Variants in SH2D4A observed in about 807,000 individuals in gnomAD.
SH2D4A encodes the protein SH2 domain containing 4A.
Under a neutral mutation model 64.7 loss-of-function variants are expected in SH2D4A, and 70 were observed. That is an observed-to-expected ratio of 1.08 (90% CI 0.89 to 1.32). SH2D4A has a LOEUF of 1.32. SH2D4A is among the 40% of genes most tolerant of loss of function. SH2D4A has a pLI of 0.00. For missense variants in SH2D4A, 706 were observed against 540.1 expected (o/e 1.31, Z -3.04); for synonymous variants, 268 against 200.7 (o/e 1.34, Z -2.83).
chr8:19,350,351 A>C (rs1252976761), intron 4 of SH2D4A, among the ~76,000 whole-genome samples: 2 of 152,204 alleles, frequency 1.3e-5, no homozygotes, highest in African/African-American at 4.8e-5. Flanking sequence ...TGCATTGCTT[A>C]GTGGTGTTTT....
intron 4 of SH2D4A, among the ~76,000 whole-genome samples, chr8:19,345,263 A>G (rs549291864): frequency 1.3e-5 from 2 of 152,330 alleles, no homozygotes; most frequent in African/African-American, 4.8e-5. Context: ...ATGGAGTCCT[A>G]GGAGTTCACG....
chr8:19,354,262 A>G (rs1171549786), intron 4 of SH2D4A, among the ~76,000 whole-genome samples: 1 of 152,170 alleles, frequency 6.6e-6, no homozygotes, highest in East Asian at 1.9e-4. Flanking sequence ...TGGCCTCTCA[A>G]AGTGCTGGGA....
At chr8:19,348,633 C>T (rs933609504) in intron 4 of SH2D4A, among the ~76,000 whole-genome samples, 21 of 152,132 alleles carry the variant, frequency 1.4e-4, no homozygotes, top group African/African-American at 1.9e-4. Context: ...GATCAGAAGA[C>T]GTCTTTGAAA....
chr8:19,374,528 C>G (rs2053161744), intron 8 of SH2D4A, among the ~76,000 whole-genome samples: 1 of 152,188 alleles, frequency 6.6e-6, no homozygotes, highest in East Asian at 1.9e-4. Flanking sequence ...TCATCTCACA[C>G]AGAAATATAC....
At chr8:19,347,832 T>C (rs973956891) in intron 4 of SH2D4A, among the ~76,000 whole-genome samples, 15 of 152,276 alleles carry the variant, frequency 9.9e-5, no homozygotes, top group Middle Eastern at 3.4e-3. Flanking sequence ...TGTGACATAT[T>C]CTTTAACCAG....
chr8:19,392,787 G>A (rs2053514523), intron 8 of SH2D4A, among the ~76,000 whole-genome samples: 1 of 151,926 alleles, frequency 6.6e-6, no homozygotes, highest in Admixed American at 6.6e-5. Context: ...GCCCAGGCTG[G>A]AGGGAGTGCA....
chr8:19,329,722 T>G (rs898364734), intron 2 of SH2D4A, among the ~76,000 whole-genome samples: 6 of 152,214 alleles, frequency 3.9e-5, no homozygotes, highest in African/African-American at 1.4e-4. Context: ...TCTTCTGAGA[T>G]CTGAAGGTTT....
At chr8:19,386,478 G>A (rs2053393733) in intron 8 of SH2D4A, among the ~76,000 whole-genome samples, 1 of 152,206 alleles carries the variant, frequency 6.6e-6, no homozygotes, top group South Asian at 2.1e-4. Context: ...TTTTGCAGAT[G>A]ATGCACTTGA....
Position 19,319,673 on chromosome 8 carries a change from A to C in SH2D4A, c.126A>C (p.Arg42Ser). ...AACAGATCCGACGATGGAAAGAAAG[A>C]GAAGCAGCTATGGAAAGAAAGGAGT... is the stretch of plus-strand genomic sequence containing the variant. ...REEQIRRWKE[R>S]EAAMERKESL... is the part of the protein sequence containing the mutation. The change falls in exon 2 of 10, where the codon AGA becomes AGC. Residue 42 changes from arginine to serine, a missense_variant. By Grantham distance (110) the Arg-to-Ser change is moderately radical (BLOSUM62 -1). Transcript: ENST00000265807. 1 of 1,609,944 alleles carries C rather than the reference A, an allele frequency of 6.2e-7. No homozygotes were observed. The highest frequency in any genetic ancestry group is 8.5e-7 in the Non-Finnish European group (1 of 1,178,512).
rs2053522817 is a variant in SH2D4A, at chr8:19,393,230, G to T, written c.1049-88G>T. ...TATTGTGTCTTATTTAGGCGTCATT[G>T]ACTCTATATCCATGCAGCTGGATTT... On this transcript the variant is annotated intron_variant, in intron 8 of 9. Coordinates refer to ENST00000265807, the MANE Select transcript of SH2D4A (RefSeq NM_022071.4). 3.3e-6 allele frequency: 4 copies of T among 1,206,580 alleles called. No homozygotes were observed. In the South Asian group the frequency reaches 3.7e-5, roughly 11 times the overall value. 74.7% of individuals were successfully genotyped at this position (1,206,580 alleles called of 1,614,324 possible).
chr8:19,365,954 A>AT (rs2052986836), intron 7 of SH2D4A, among the ~76,000 whole-genome samples: 1 of 152,118 alleles, frequency 6.6e-6, no homozygotes, highest in Admixed American at 6.5e-5. Flanking sequence ...ATTATAGGAT[A>AT]TTTTCTCGAA....
rs575316909 is a variant in SH2D4A at position 19,321,203 on chromosome 8, CA to C, written c.181+1476del. Among the ~76,000 whole-genome samples, 29 of 56,468 alleles carry C rather than the reference CA, an allele frequency of 5.1e-4. No homozygotes were observed. In the East Asian group the frequency reaches 0.012, roughly 23 times the overall value. The allele number at this position is 56,468 out of a possible 152,430, so 37.0% of individuals were successfully genotyped here. On this transcript the variant is annotated intron_variant, in intron 2 of 9. Coordinates refer to ENST00000265807, the MANE Select transcript of SH2D4A (RefSeq NM_022071.4). ...ACAGATGATGAGACTTAGAGAAGTTCATTTTTTTTTTTGCTTGTTTGTTTGT... is the reference window on the plus strand; with the variant it reads ...ACAGATGATGAGACTTAGAGAAGTTCTTTTTTTTTTTGCTTGTTTGTTTGT...
intron 4 of SH2D4A, among the ~76,000 whole-genome samples, chr8:19,349,861 G>A (rs1250100466): frequency 6.6e-6 from 1 of 152,044 alleles, no homozygotes; most frequent in African/African-American, 2.4e-5. Context: ...CCATCACCAC[G>A]CCCAGCTAAC....
intron 2 of SH2D4A, among the ~76,000 whole-genome samples, chr8:19,332,691 CAAAAAAA>C (rs58695585): frequency 0.24 from 19,963 of 81,582 alleles, 1,546 homozygotes; most frequent in Middle Eastern, 0.37. Context: ...GTGAGACTGT[CAAAAAAA>C]AAAAAAAAAA....
At chr8:19,370,993 C>T (rs1421031447) in intron 7 of SH2D4A, among the ~76,000 whole-genome samples, 1 of 152,096 alleles carries the variant, frequency 6.6e-6, no homozygotes. Context: ...AACAAAAAAA[C>T]TGTACACTTT....
At chr8:19,320,670 G>A in intron 2 of SH2D4A, among the ~76,000 whole-genome samples, 1 of 136,288 alleles carries the variant, frequency 7.3e-6, no homozygotes, top group East Asian at 2.2e-4. Context: ...TACACATACA[G>A]ACACAGAAAA....
intron 2 of SH2D4A, among the ~76,000 whole-genome samples, chr8:19,325,972 A>G (rs10113216): frequency 0.93 from 141,694 of 152,276 alleles, 66,068 homozygotes; most frequent in East Asian, 1. Context: ...ACATGATGGC[A>G]ACTTCACATC....
chr8:19,357,327 C>T lies in SH2D4A; in HGVS notation c.594+44C>T, dbSNP rs1165005139. 3.8e-6 allele frequency: 5 copies of T among 1,299,882 alleles called. No individual in the cohort carries two copies. The African/African-American group carries it at 5.9e-5, about 15-fold the overall frequency. 80.5% of individuals were successfully genotyped at this position (1,299,882 alleles called of 1,614,324 possible). ...GTCCTCCGGGGGCTGCATACCTAGG[C>T]ATTTCCACTAATGTTTCACAGATTA... On this transcript the variant is annotated intron_variant, in intron 5 of 9. Transcript: ENST00000265807.
chr8:19,320,049 G>A (rs2052161918), intron 2 of SH2D4A, among the ~76,000 whole-genome samples: 1 of 152,096 alleles, frequency 6.6e-6, no homozygotes, highest in Non-Finnish European at 1.5e-5. Context: ...ATTGTTACTG[G>A]TTCCTAATAT....
Sources: allele counts gnomAD v4.1 joint callset (sites outside exome capture counted in the v4.1 genomes callset), GRCh38; gene constraint gnomAD v4.1.1; transcripts MANE v1.5; gene names NCBI Gene and HGNC (gene_info 2026-07-23, HGNC 2026-07-21).